The following RIT2 variants were observed in gnomAD, a reference collection of about 807,000 sequenced individuals.
RIT2 encodes the protein GTP-binding protein Rit2.
A neutral mutation model predicts 23.7 loss-of-function variants in RIT2; 24 were observed. The observed-to-expected ratio is 1.01, with a 90% CI of 0.73 to 1.43. The LOEUF (loss-of-function observed/expected upper bound fraction) is 1.43. Ranked by LOEUF, RIT2 falls within the 40% of genes most tolerant of loss-of-function variation. RIT2 has a pLI of 0.00. For missense variants in RIT2, 236 were observed against 266.9 expected, an observed-to-expected ratio of 0.88 and a Z score of 0.81; for synonymous variants, 107 against 91.1, an observed-to-expected ratio of 1.17 and a Z score of -0.99.
intron 1 of RIT2, among the ~76,000 whole-genome samples, chr18:43,104,816 A>G (rs1214605738): frequency 6.6e-6 from 1 of 152,216 alleles, no homozygotes; most frequent in Non-Finnish European, 1.5e-5. Flanking sequence ...GATTTCTTCA[A>G]TTAAACAAAA....
At chr18:42,870,930 A>G (rs1248250487) in intron 4 of RIT2, among the ~76,000 whole-genome samples, 1 of 152,210 alleles carries the variant, frequency 6.6e-6, no homozygotes, top group East Asian at 1.9e-4. Flanking sequence ...AAAAGACTGA[A>G]TATTTCACTT....
intron 4 of RIT2, among the ~76,000 whole-genome samples, chr18:42,899,050 G>A (rs529757306): frequency 9.2e-5 from 14 of 151,906 alleles, no homozygotes; most frequent in Admixed American, 8.5e-4. Flanking sequence ...TTTGTTAAAA[G>A]TTATTTTGCG....
At chr18:43,027,425 G>T (rs181692301) in intron 2 of RIT2, among the ~76,000 whole-genome samples, 1 of 152,040 alleles carries the variant, frequency 6.6e-6, no homozygotes, top group Non-Finnish European at 1.5e-5. Flanking sequence ...TTTTTGATTT[G>T]GACATGGGGA....
chr18:42,993,765 GC>G (rs1910911169), intron 2 of RIT2, among the ~76,000 whole-genome samples: 1 of 151,594 alleles, frequency 6.6e-6, no homozygotes, highest in Non-Finnish European at 1.5e-5. Context: ...CCCCACCTTA[GC>G]CCACAAGTAT....
chr18:42,988,074 A>G (rs571870525), intron 2 of RIT2, among the ~76,000 whole-genome samples: 359 of 152,296 alleles, frequency 2.4e-3, no homozygotes, highest in Non-Finnish European at 3.7e-3. Flanking sequence ...TCAATAGTAG[A>G]TGTATAAATC....
chr18:42,982,890 T>C (rs1279353771), intron 2 of RIT2, among the ~76,000 whole-genome samples: 1 of 152,086 alleles, frequency 6.6e-6, no homozygotes. Flanking sequence ...ATAATAAAGA[T>C]GTTCATTCTG....
intron 1 of RIT2, among the ~76,000 whole-genome samples, chr18:43,079,391 T>C (rs779588808): frequency 6.6e-6 from 1 of 152,196 alleles, no homozygotes; most frequent in African/African-American, 2.4e-5. Flanking sequence ...AACATTTCTA[T>C]TCCGCTATAA....
At chr18:42,997,135 A>G (rs1054177920) in intron 2 of RIT2, among the ~76,000 whole-genome samples, 3 of 152,268 alleles carry the variant, frequency 2.0e-5, no homozygotes, top group African/African-American at 2.4e-5. Flanking sequence ...TAATTTTTAT[A>G]GCACATAATT....
chr18:42,849,055 C>T (rs1185470785), intron 4 of RIT2, among the ~76,000 whole-genome samples: 1 of 152,090 alleles, frequency 6.6e-6, no homozygotes, highest in African/African-American at 2.4e-5. Context: ...CTTTGAGTTA[C>T]CTGCTATTTT....
At chr18:42,927,545 G>A (rs1438322299) in intron 3 of RIT2, among the ~76,000 whole-genome samples, 1 of 151,792 alleles carries the variant, frequency 6.6e-6, no homozygotes, top group Non-Finnish European at 1.5e-5. Flanking sequence ...TGTTGCTTCC[G>A]TCTTCATTCA....
chr18:42,931,620 G>A (rs948788850), intron 3 of RIT2, among the ~76,000 whole-genome samples: 2 of 152,020 alleles, frequency 1.3e-5, no homozygotes, highest in African/African-American at 4.8e-5. Context: ...CCTCTGGGGG[G>A]TACAAATCCA....
In RIT2 at chr18:42,801,908, C is replaced by T. The variant is rs145469790; in HGVS notation, c.427-58188G>A. On this transcript the variant is annotated intron_variant, in intron 4 of 4. Coordinates refer to ENST00000326695, the MANE Select transcript of RIT2 (RefSeq NM_002930.4). Reference sequence around the variant, plus strand: ...TGCGGTTTGTTGAACAATGTACTCACAGCACGGAAAACTGGGCTTCTGCTC... The same window carrying T: ...TGCGGTTTGTTGAACAATGTACTCATAGCACGGAAAACTGGGCTTCTGCTC... 2.3e-3 allele frequency among the ~76,000 whole-genome samples: 345 copies of T among 152,334 alleles called. 1 individual carries two copies. The highest frequency in any genetic ancestry group is 7.5e-3 in the African/African-American group (311 of 41,580).
rs1020945099 is a variant in RIT2, at chr18:42,844,064, C to T, written c.426+79508G>A. On this transcript the variant is annotated intron_variant, in intron 4 of 4. Transcript: ENST00000326695. ...CTCATAACAGGGGTATATGTTTTCTCAGCCTACCATGCTCAACCCCTTGTG... is the reference window on the plus strand; with the variant it reads ...CTCATAACAGGGGTATATGTTTTCTTAGCCTACCATGCTCAACCCCTTGTG... Among the ~76,000 whole-genome samples, 6 of 152,312 alleles carry T rather than the reference C, an allele frequency of 3.9e-5. No homozygotes were observed. The South Asian group carries it at 1.0e-3, about 26-fold the overall frequency.
At chr18:42,868,818 C>T (rs1294102918) in intron 4 of RIT2, among the ~76,000 whole-genome samples, 1 of 152,160 alleles carries the variant, frequency 6.6e-6, no homozygotes, top group African/African-American at 2.4e-5. Flanking sequence ...ATTGGAATAT[C>T]AGAATCATCA....
rs1481464949 is a variant in RIT2 at position 42,762,247 on chromosome 18, G to A, written c.427-18527C>T. ...TTCTAATATGGAAAATATAGATCAT[G>A]TCTTCTATTCATTGTTTTATCACTG... is the stretch of plus-strand genomic sequence containing the variant. On this transcript the variant is annotated intron_variant, in intron 4 of 4. Transcript: ENST00000326695. Among the ~76,000 whole-genome samples the A allele has an allele frequency of 4.6e-5, 7 of 152,194 alleles. No individual in the cohort carries two copies. In the East Asian group the frequency reaches 1.2e-3, roughly 25 times the overall value.
intron 4 of RIT2, among the ~76,000 whole-genome samples, chr18:42,859,215 T>A (rs1907263685): frequency 6.6e-6 from 1 of 152,302 alleles, no homozygotes; most frequent in Non-Finnish European, 1.5e-5. Flanking sequence ...TTGTCAATTA[T>A]TGTTGGGCTA....
At chr18:42,940,112 T>C (rs1451391366) in intron 3 of RIT2, among the ~76,000 whole-genome samples, 4 of 151,286 alleles carry the variant, frequency 2.6e-5, no homozygotes, top group African/African-American at 9.7e-5. Context: ...TGCATTTGTT[T>C]ATGCAGCTCC....
At chr18:42,842,168 G>A (rs1057475697) in intron 4 of RIT2, among the ~76,000 whole-genome samples, 4 of 152,134 alleles carry the variant, frequency 2.6e-5, no homozygotes, top group Non-Finnish European at 5.9e-5. Context: ...TTCACCTTCT[G>A]TGTTGATGCA....
At chr18:42,951,096 A>G (rs1293388270) in intron 3 of RIT2, among the ~76,000 whole-genome samples, 4 of 152,222 alleles carry the variant, frequency 2.6e-5, no homozygotes, top group South Asian at 2.1e-4. Flanking sequence ...AAATCTTTCT[A>G]CCAAAAAGAC....
Sources: allele counts gnomAD v4.1 joint callset (sites outside exome capture counted in the v4.1 genomes callset), GRCh38; gene constraint gnomAD v4.1.1; transcripts MANE v1.5; gene names NCBI Gene and HGNC (gene_info 2026-07-23, HGNC 2026-07-21).